RIMS1: variants seen among roughly 807,000 people sequenced by gnomAD.
RIMS1 encodes regulating synaptic membrane exocytosis 1.
In RIMS1, 83 loss-of-function variants were observed where a neutral mutation model predicts 214.1. The observed-to-expected ratio is 0.39, with a 90% CI of 0.32 to 0.47. The LOEUF is 0.47. Among genes scored for constraint, RIMS1 ranks in the 20% least tolerant of loss-of-function variants. RIMS1 has a pLI of 0.99. For synonymous variants in RIMS1, 793 were observed against 786.8 expected, an observed-to-expected ratio of 1.01 and a Z score of -0.13; for missense variants, 2,050 against 2,161.8, an observed-to-expected ratio of 0.95 and a Z score of 1.03.
chr6:72,331,733 CA>C (rs1471139931), intron 28 of RIMS1, among the ~76,000 whole-genome samples: 1 of 151,616 alleles, frequency 6.6e-6, no homozygotes, highest in Non-Finnish European at 1.5e-5. Flanking sequence ...ATTTGTGTCT[CA>C]AAAAATGTAC....
intron 6 of RIMS1, among the ~76,000 whole-genome samples, chr6:72,232,029 TGAA>T (rs1033412072): frequency 2.0e-5 from 3 of 151,698 alleles, no homozygotes; most frequent in African/African-American, 7.2e-5. Context: ...TTTGTTTTCT[TGAA>T]GTGTTTAAAG....
At chr6:72,285,797 T>C (rs1448183213) in intron 24 of RIMS1, among the ~76,000 whole-genome samples, 1 of 152,234 alleles carries the variant, frequency 6.6e-6, no homozygotes, top group Non-Finnish European at 1.5e-5. Context: ...TCAACCATCA[T>C]TTTCAGCCCC....
At chr6:72,023,833 G>T (rs1197624207) in intron 2 of RIMS1, among the ~76,000 whole-genome samples, 1 of 152,078 alleles carries the variant, frequency 6.6e-6, no homozygotes, top group Non-Finnish European at 1.5e-5. Flanking sequence ...AACTCATAGA[G>T]ATATTTAAAT....
chr6:72,108,509 T>C (rs1247889350), intron 4 of RIMS1, among the ~76,000 whole-genome samples: 3 of 152,146 alleles, frequency 2.0e-5, no homozygotes, highest in African/African-American at 7.2e-5. Flanking sequence ...ACCAGGATCA[T>C]ATATTCCCTT....
chr6:72,091,814 T>C (rs1303672251), intron 2 of RIMS1, among the ~76,000 whole-genome samples: 2 of 152,208 alleles, frequency 1.3e-5, no homozygotes, highest in South Asian at 2.1e-4. Context: ...AATTTAAATC[T>C]GTGATTTGTG....
intron 2 of RIMS1, among the ~76,000 whole-genome samples, chr6:71,992,400 C>CTTTCTTTCTTTCTT (rs1554175112): frequency 1.1e-5 from 1 of 87,794 alleles, no homozygotes; most frequent in Non-Finnish European, 2.4e-5. Context: ...TTCTTTCTCT[C>CTTTCTTTCTTTCTT]TCTCTCTTTC....
chr6:72,320,694 A>G (rs143348344), intron 28 of RIMS1, among the ~76,000 whole-genome samples: 5 of 152,122 alleles, frequency 3.3e-5, no homozygotes, highest in African/African-American at 9.6e-5. Context: ...TATTATGTTT[A>G]TTATACACTT....
intron 28 of RIMS1, among the ~76,000 whole-genome samples, chr6:72,328,563 A>G (rs193034770): frequency 3.3e-5 from 5 of 151,878 alleles, no homozygotes; most frequent in Non-Finnish European, 1.5e-5. Context: ...AAAACAAAAT[A>G]CCTTGGGATC....
intron 1 of RIMS1, among the ~76,000 whole-genome samples, chr6:71,893,471 G>GA (rs1001733973): frequency 2.6e-5 from 4 of 152,154 alleles, no homozygotes; most frequent in Non-Finnish European, 5.9e-5. Flanking sequence ...ATCTTTTACA[G>GA]AAAAAAATTT....
intron 2 of RIMS1, among the ~76,000 whole-genome samples, chr6:72,006,997 T>C (rs1026015021): frequency 7.2e-5 from 11 of 152,174 alleles, no homozygotes; most frequent in African/African-American, 2.7e-4. Flanking sequence ...AGCACGCAGC[T>C]GGAGATCTGA....
intron 19 of RIMS1, among the ~76,000 whole-genome samples, chr6:72,264,315 G>A (rs755328457): frequency 2.0e-4 from 30 of 152,286 alleles, no homozygotes; most frequent in Admixed American, 4.6e-4. Context: ...ATCAGATGCC[G>A]TTGGGCCAAT....
At chr6:72,255,353 A>G (rs1381839570) in intron 16 of RIMS1, among the ~76,000 whole-genome samples, 2 of 152,194 alleles carry the variant, frequency 1.3e-5, no homozygotes, top group Non-Finnish European at 2.9e-5. Flanking sequence ...TACTCAAGGA[A>G]GTTCCTGGTT....
chr6:72,129,057 A>G (rs2463697), intron 4 of RIMS1, among the ~76,000 whole-genome samples: 73,392 of 151,986 alleles, frequency 0.48, 18,995 homozygotes, highest in East Asian at 0.82. Context: ...TTTCCTCCAC[A>G]TTTTAAATTG....
At chr6:72,027,108 G>T (rs1816745365) in intron 2 of RIMS1, among the ~76,000 whole-genome samples, 1 of 151,962 alleles carries the variant, frequency 6.6e-6, no homozygotes, top group South Asian at 2.1e-4. Flanking sequence ...AAATTATTTG[G>T]ACAGGCAAGA....
intron 2 of RIMS1, among the ~76,000 whole-genome samples, chr6:72,089,017 TAGACTC>T (rs1835443438): frequency 6.6e-6 from 1 of 151,858 alleles, no homozygotes; most frequent in Non-Finnish European, 1.5e-5. Flanking sequence ...ATCTTAGACT[TAGACTC>T]AGATATTGTT....
chr6:72,103,072 G>C (rs931439201), intron 4 of RIMS1, among the ~76,000 whole-genome samples: 6 of 151,900 alleles, frequency 3.9e-5, no homozygotes, highest in Admixed American at 6.6e-5. Flanking sequence ...AAATAACATA[G>C]GTCTATATAG....
At chr6:72,379,206 A>G (rs1595790325) in intron 29 of RIMS1, among the ~76,000 whole-genome samples, 1 of 152,268 alleles carries the variant, frequency 6.6e-6, no homozygotes, top group East Asian at 1.9e-4. Context: ...GTGTTTAATC[A>G]AGACTCTTAC....
intron 31 of RIMS1, among the ~76,000 whole-genome samples, chr6:72,395,518 C>T (rs900283778): frequency 2.0e-5 from 3 of 151,918 alleles, no homozygotes. Context: ...GATGAGTTAC[C>T]AGCAGTTTAG....
At chr6:72,046,785 A>G (rs550805958) in intron 2 of RIMS1, among the ~76,000 whole-genome samples, 1 of 152,292 alleles carries the variant, frequency 6.6e-6, no homozygotes, top group African/African-American at 2.4e-5. Flanking sequence ...TAGATCATAT[A>G]AAATAGATGT....
Sources: gnomAD v4.1 joint callset for allele counts (sites outside exome capture counted in the v4.1 genomes callset) on GRCh38, gnomAD v4.1.1 for gene constraint, MANE v1.5 for transcripts, NCBI Gene and HGNC (gene_info 2026-07-23, HGNC 2026-07-21) for gene names.